Variants in LTF observed in about 807,000 individuals in gnomAD.
The protein encoded by LTF is lactotransferrin.
Under a neutral mutation model 87.2 loss-of-function variants are expected in LTF, and 91 were observed. The ratio of observed to expected loss-of-function variants is 1.04; its 90% CI spans 0.88 to 1.24. LTF has a LOEUF of 1.24. Ranked by LOEUF, LTF falls within the 50% of genes most tolerant of loss-of-function variation. The pLI is 0.00. For synonymous variants in LTF, 378 were observed against 356.1 expected (o/e 1.06, Z -0.69); for missense variants, 901 against 904.3 (o/e 1.00, Z 0.05).
intron 16 of LTF, 148 bp downstream of exon 16, chr3:46,437,792 T>A: frequency 1.5e-6 from 1 of 655,602 alleles, no homozygotes; most frequent in South Asian, 2.0e-5. Context: ...ATTTTATCAA[T>A]GAGATTATAA....
chr3:46,456,300 C>G lies in LTF; in HGVS notation c.306G>C (p.Gly102=), dbSNP rs1254306573. ...KLRPVAAEVY[G]TERQPRTHYY... ...CCAGGCAGAACTCACGTCTTTCGGT[C>G]CCGTAGACTTCCGCCGCTACAGGTC... The change falls in exon 3 of 17, where the codon GGG becomes GGC. Residue 102 remains glycine (G), a synonymous_variant. Coordinates refer to ENST00000231751, the MANE Select transcript of LTF (RefSeq NM_002343.6). 3.1e-6 allele frequency: 5 copies of G among 1,613,914 alleles called. No homozygotes were observed. The African/African-American group carries it at 6.7e-5, about 22-fold the overall frequency.
chr3:46,478,863 G>T (rs982070257), intron 1 of LTF, among the ~76,000 whole-genome samples: 5 of 152,192 alleles, frequency 3.3e-5, no homozygotes, highest in African/African-American at 1.2e-4. Context: ...TACAAATGAG[G>T]TCTCTAAGCC....
At chr3:46,466,114 C>T (rs896538825), upstream of LTF, among the ~76,000 whole-genome samples, 1 of 152,212 alleles carries the variant, frequency 6.6e-6, no homozygotes, top group East Asian at 1.9e-4. Flanking sequence ...GTGGTGTATG[C>T]CTATGGTCCC....
At chr3:46,482,742 G>GGAAGGAAA (rs1553668665) in intron 1 of LTF, among the ~76,000 whole-genome samples, 2 of 121,506 alleles carry the variant, frequency 1.6e-5, no homozygotes, top group African/African-American at 5.8e-5. Flanking sequence ...AAGGAAGGAA[G>GGAAGGAAA]GAAGGAAAGA....
At chr3:46,445,830 A>G (rs751789556) in intron 11 of LTF, among the ~76,000 whole-genome samples, 19 of 152,250 alleles carry the variant, frequency 1.2e-4, no homozygotes, top group Non-Finnish European at 2.4e-4. Flanking sequence ...CAAGAGCACC[A>G]ACATCCAGCC....
chr3:46,482,394 T>C (rs899007994), intron 1 of LTF, among the ~76,000 whole-genome samples: 3 of 150,536 alleles, frequency 2.0e-5, no homozygotes, highest in African/African-American at 7.4e-5. Context: ...CACCTGAGTC[T>C]GGGAGGTTGA....
At chr3:46,441,508 C>G (rs1219634068) in intron 13 of LTF, 25 bp from the exon 14 acceptor site, 1 of 1,568,024 alleles carries the variant, frequency 6.4e-7, no homozygotes, top group Non-Finnish European at 8.8e-7. Flanking sequence ...AAAATATACA[C>G]ATAATTACAG....
intron 1 of LTF, among the ~76,000 whole-genome samples, chr3:46,472,866 G>T (rs989016906): frequency 7.9e-5 from 12 of 152,036 alleles, no homozygotes; most frequent in Non-Finnish European, 1.8e-4. Context: ...TCTTCCCTTT[G>T]TCTTCTTCAT....
At position 46,473,091 on chromosome 3, in the gene LTF, T is replaced by C. The variant is rs1020504709; in HGVS notation, c.-319-2625A>G. Among the ~76,000 whole-genome samples, 3 of 152,126 alleles carry C rather than the reference T, an allele frequency of 2.0e-5. No homozygotes were observed. The East Asian group carries it at 5.8e-4, about 29-fold the overall frequency. ...TCCTTTCCATTCCATGGTCTGGAGA[T>C]GACCTTGGACTCCTGCCTCAGCTTC... On this transcript the variant is annotated intron_variant, in intron 1 of 19. Coordinates refer to the LTF transcript ENST00000443496.
chr3:46,478,007 G>A (rs965062892), intron 1 of LTF, among the ~76,000 whole-genome samples: 3 of 152,250 alleles, frequency 2.0e-5, no homozygotes, highest in South Asian at 2.1e-4. Context: ...ACCCAGCAGC[G>A]TGCCCCAGCC....
chr3:46,460,889 C>T (rs949522052), intron 1 of LTF, among the ~76,000 whole-genome samples: 34 of 151,988 alleles, frequency 2.2e-4, no homozygotes, highest in African/African-American at 5.8e-4. Context: ...GATCAATATA[C>T]AAAAATTGAT....
At chr3:46,439,608 C>G (rs141957897) in intron 14 of LTF, 128 bp from the exon 15 acceptor site, 14 of 723,812 alleles carry the variant, frequency 1.9e-5, no homozygotes, top group Admixed American at 3.1e-5. Flanking sequence ...ATGTGAGGAA[C>G]AGAGAAGGAG....
intron 13 of LTF, among the ~76,000 whole-genome samples, chr3:46,443,026 C>T (rs1403446864): frequency 1.3e-5 from 2 of 152,096 alleles, no homozygotes; most frequent in Non-Finnish European, 2.9e-5. Context: ...AGGCCAAAGT[C>T]AGAGAAAAAG....
At chr3:46,454,472 A>C in intron 5 of LTF, 112 bp from the exon 6 acceptor site, 1 of 950,626 alleles carries the variant, frequency 1.1e-6, no homozygotes. Flanking sequence ...CCTGCAGGGC[A>C]GGGCTCTGAA....
At chr3:46,467,029 G>A (rs1158366685), upstream of LTF, among the ~76,000 whole-genome samples, 1 of 152,126 alleles carries the variant, frequency 6.6e-6, no homozygotes, top group Non-Finnish European at 1.5e-5. Flanking sequence ...CCTGAAGGCA[G>A]CATGGGTAGG....
intron 1 of LTF, among the ~76,000 whole-genome samples, chr3:46,471,422 T>C (rs115161292): frequency 1.0e-3 from 153 of 152,360 alleles, no homozygotes; most frequent in African/African-American, 3.4e-3. Flanking sequence ...GAGCTTCCTC[T>C]AGCATAGTAC....
chr3:46,456,651 C>T (rs962897324), intron 2 of LTF, among the ~76,000 whole-genome samples: 5 of 152,180 alleles, frequency 3.3e-5, no homozygotes, highest in Admixed American at 6.5e-5. Flanking sequence ...GTCACTCTCC[C>T]GATCACACCC....
At chr3:46,464,122 C>G (rs1486331759) in intron 1 of LTF, among the ~76,000 whole-genome samples, 1 of 152,210 alleles carries the variant, frequency 6.6e-6, no homozygotes, top group Non-Finnish European at 1.5e-5. Flanking sequence ...TCCGCACTCA[C>G]GCATTTAGGT....
At chr3:46,475,684 G>A (rs575592176) in intron 1 of LTF, among the ~76,000 whole-genome samples, 4 of 151,996 alleles carry the variant, frequency 2.6e-5, no homozygotes, top group African/African-American at 9.6e-5. Flanking sequence ...AACTCAAGCT[G>A]GCCAAGTAAT....
Sources: allele counts gnomAD v4.1 joint callset (sites outside exome capture counted in the v4.1 genomes callset), GRCh38; gene constraint gnomAD v4.1.1; transcripts MANE v1.5; gene names NCBI Gene and HGNC (gene_info 2026-07-23, HGNC 2026-07-21).